The following CABCOCO1 variants were observed in gnomAD, a reference collection of about 807,000 sequenced individuals.
CABCOCO1 encodes ciliary associated calcium binding coiled-coil 1.
CABCOCO1 carries 28 observed loss-of-function variants against 35.7 expected under a neutral mutation model. The ratio of observed to expected loss-of-function variants is 0.78; its 90% CI spans 0.58 to 1.07. The LOEUF is 1.07. Among genes scored for constraint, CABCOCO1 ranks in the 50% least tolerant of loss-of-function variants. The pLI, the probability that CABCOCO1 is intolerant of heterozygous loss-of-function variation, is 0.00. For missense variants in CABCOCO1, 326 were observed against 309.2 expected (o/e 1.05, Z -0.41); for synonymous variants, 95 against 100.1 (o/e 0.95, Z 0.30).
chr10:61,682,853 A>G (rs1839836595), intron 3 of CABCOCO1, among the ~76,000 whole-genome samples: 1 of 149,010 alleles, frequency 6.7e-6, no homozygotes, highest in Non-Finnish European at 1.5e-5. Flanking sequence ...CACTATACAC[A>G]TGTAATAGTA....
At chr10:61,704,095 G>C (rs901460529) in intron 5 of CABCOCO1, among the ~76,000 whole-genome samples, 1 of 152,050 alleles carries the variant, frequency 6.6e-6, no homozygotes. Flanking sequence ...GTGGTGGCAG[G>C]CACCTGCAAT....
chr10:61,680,394 ATT>A (rs67989405), intron 2 of CABCOCO1, among the ~76,000 whole-genome samples: 7 of 135,702 alleles, frequency 5.2e-5, no homozygotes, highest in African/African-American at 1.1e-4. Context: ...TAATATATAT[ATT>A]TTTATATATA....
At chr10:61,751,513 G>A (rs534642010) in intron 5 of CABCOCO1, among the ~76,000 whole-genome samples, 10 of 152,170 alleles carry the variant, frequency 6.6e-5, no homozygotes, top group Admixed American at 5.9e-4. Flanking sequence ...GCCACCAAAC[G>A]ATAAAGGAAT....
intron 5 of CABCOCO1, among the ~76,000 whole-genome samples, chr10:61,693,546 T>C (rs1050929218): frequency 2.6e-5 from 4 of 152,100 alleles, no homozygotes; most frequent in Admixed American, 6.6e-5. Context: ...GAAAGAATGA[T>C]GAAATAGAAT....
intron 2 of CABCOCO1, among the ~76,000 whole-genome samples, chr10:61,680,700 ATGTTATACATG>A (rs1564532875): frequency 5.0e-5 from 6 of 120,936 alleles, no homozygotes; most frequent in Admixed American, 9.1e-5. Flanking sequence ...TAACATATAT[ATGTTATACATG>A]TATAACATAT....
rs1038980867 is a variant in CABCOCO1 at position 61,694,092 on chromosome 10, G to A, written c.552+3471G>A. Among the ~76,000 whole-genome samples, 7 of 151,732 alleles carry A rather than the reference G, an allele frequency of 4.6e-5. No individual in the cohort carries two copies. The Admixed American group carries it at 4.6e-4, about 10-fold the overall frequency. On this transcript the variant is annotated intron_variant, in intron 5 of 7. Transcript: ENST00000648843. ...TAGTGTATTACTTTACATGGTAAAAGGGACTTCGAGGATTTGATTAAGTTA... is the reference window on the plus strand; with the variant it reads ...TAGTGTATTACTTTACATGGTAAAAAGGACTTCGAGGATTTGATTAAGTTA...
chr10:61,757,700 G>GACACAC (rs67841126), intron 5 of CABCOCO1, among the ~76,000 whole-genome samples: 4,952 of 147,794 alleles, frequency 0.034, 268 homozygotes, highest in African/African-American at 0.11. Context: ...CACACACACA[G>GACACAC]ACACACACAC....
intron 5 of CABCOCO1, among the ~76,000 whole-genome samples, chr10:61,723,905 A>G (rs1387017291): frequency 6.6e-6 from 1 of 152,240 alleles, no homozygotes; most frequent in Non-Finnish European, 1.5e-5. Flanking sequence ...GATGACTTTT[A>G]AACTGTATAA....
intron 2 of CABCOCO1, among the ~76,000 whole-genome samples, chr10:61,677,232 C>G (rs1186592108): frequency 6.6e-6 from 1 of 152,080 alleles, no homozygotes; most frequent in Non-Finnish European, 1.5e-5. Flanking sequence ...AGTTTAGCAG[C>G]ATATCTCACC....
intron 5 of CABCOCO1, among the ~76,000 whole-genome samples, chr10:61,728,963 G>A (rs532072784): frequency 2.0e-5 from 3 of 152,188 alleles, no homozygotes; most frequent in African/African-American, 4.8e-5. Flanking sequence ...GGTTACATGT[G>A]GGGGGAACTG....
At chr10:61,677,373 T>C (rs1035869682) in intron 2 of CABCOCO1, among the ~76,000 whole-genome samples, 1 of 152,136 alleles carries the variant, frequency 6.6e-6, no homozygotes, top group African/African-American at 2.4e-5. Context: ...TCAAAGCCCA[T>C]GTGGGAATAC....
chr10:61,672,264 A>G (rs545820858), intron 1 of CABCOCO1, among the ~76,000 whole-genome samples: 100 of 152,232 alleles, frequency 6.6e-4, no homozygotes, highest in African/African-American at 2.3e-3. Flanking sequence ...TTTTAACATC[A>G]ACCTAGGCTT....
At chr10:61,671,464 G>A (rs1401384883) in intron 1 of CABCOCO1, among the ~76,000 whole-genome samples, 2 of 152,150 alleles carry the variant, frequency 1.3e-5, no homozygotes. Flanking sequence ...GTCAGCATTA[G>A]GGAAATCTTT....
intron 5 of CABCOCO1, among the ~76,000 whole-genome samples, chr10:61,705,650 A>C (rs1379559438): frequency 6.6e-6 from 1 of 152,210 alleles, no homozygotes; most frequent in African/African-American, 2.4e-5. Context: ...TCTTATAATC[A>C]GTGGATCAAG....
intron 5 of CABCOCO1, among the ~76,000 whole-genome samples, chr10:61,738,830 G>T (rs1043608933): frequency 6.6e-6 from 1 of 152,038 alleles, no homozygotes; most frequent in African/African-American, 2.4e-5. Flanking sequence ...GTAAATTTTG[G>T]TCTATAAAAA....
chr10:61,755,730 CA>C (rs1382620638), intron 5 of CABCOCO1, among the ~76,000 whole-genome samples: 2 of 151,938 alleles, frequency 1.3e-5, no homozygotes, highest in Non-Finnish European at 1.5e-5. Flanking sequence ...AAACACTACA[CA>C]CAAATCACTA....
intron 5 of CABCOCO1, among the ~76,000 whole-genome samples, chr10:61,726,980 T>A (rs1397356501): frequency 6.6e-6 from 1 of 151,930 alleles, no homozygotes; most frequent in Non-Finnish European, 1.5e-5. Flanking sequence ...AAGAATTGCT[T>A]GAGCCTGAGA....
intron 4 of CABCOCO1, among the ~76,000 whole-genome samples, chr10:61,686,759 A>T (rs1262582411): frequency 6.6e-6 from 1 of 152,198 alleles, no homozygotes; most frequent in African/African-American, 2.4e-5. Flanking sequence ...ACTACTTAGA[A>T]AATAATGGTG....
chr10:61,741,148 G>GA (rs988249877), intron 5 of CABCOCO1, among the ~76,000 whole-genome samples: 8 of 148,828 alleles, frequency 5.4e-5, no homozygotes, highest in African/African-American at 1.7e-4. Context: ...CTATCTCAAA[G>GA]AAAAAAAATA....
Sources: allele counts gnomAD v4.1 joint callset (sites outside exome capture counted in the v4.1 genomes callset), GRCh38; gene constraint gnomAD v4.1.1; transcripts MANE v1.5; gene names NCBI Gene and HGNC (gene_info 2026-07-23, HGNC 2026-07-21).